Variants in DNAH11 observed in about 807,000 individuals in gnomAD.
DNAH11 encodes the protein axonemal beta dynein heavy chain 11.
In DNAH11, 442 loss-of-function variants were observed where a neutral mutation model predicts 526.0. That is an observed-to-expected ratio of 0.84 (90% confidence interval 0.78 to 0.91). DNAH11 has a LOEUF of 0.91. Ranked by LOEUF, DNAH11 falls within the 40% of genes least tolerant of loss-of-function variation. The pLI is 0.00. For missense variants in DNAH11, 6,989 were observed against 5,448.7 expected, an observed-to-expected ratio of 1.28 and a Z score of -8.90; for synonymous variants, 2,461 against 1,935.9, an observed-to-expected ratio of 1.27 and a Z score of -7.12.
rs752630551 is a variant in DNAH11 at position 21,899,420 on chromosome 7, C to T, written c.13134C>T (p.Gly4378=). ...TTCCGGCTGTCGTGTGGCTCTCCGGCTTCTTCAACCCTCAGTCCTTCTTAA... is the reference window on the plus strand; with the variant it reads ...TTCCGGCTGTCGTGTGGCTCTCCGGTTTCTTCAACCCTCAGTCCTTCTTAA... ...LTLPAVVWLS[G]FFNPQSFLTA... The change falls in exon 80 of 82, where the codon GGC becomes GGT. Residue 4378 remains glycine, a synonymous_variant. Coordinates refer to ENST00000409508, the MANE Select transcript of DNAH11 (RefSeq NM_001277115.2). 6.2e-6 allele frequency: 10 copies of T among 1,613,706 alleles called. No individual in the cohort carries two copies. The highest frequency in any genetic ancestry group is 8.5e-6 in the Non-Finnish European group (10 of 1,179,770).
chr7:21,850,086 G>A (rs1237138360), intron 66 of DNAH11, among the ~76,000 whole-genome samples: 1 of 151,692 alleles, frequency 6.6e-6, no homozygotes. Flanking sequence ...GCCGGGCACG[G>A]TGGCTCACGC....
chr7:21,690,478 T>C (rs1266720610), intron 34 of DNAH11, among the ~76,000 whole-genome samples: 1 of 152,216 alleles, frequency 6.6e-6, no homozygotes, highest in Non-Finnish European at 1.5e-5. Flanking sequence ...TTCCATTAAA[T>C]GTTAAAATAG....
At chr7:21,707,102 GCTCCTTCCCC>G (rs1381627090) in intron 39 of DNAH11, among the ~76,000 whole-genome samples, 1 of 152,184 alleles carries the variant, frequency 6.6e-6, no homozygotes, top group Non-Finnish European at 1.5e-5. Context: ...ATGTCCAGAA[GCTCCTTCCCC>G]CTTCTTCCCC....
rs79956811 is a variant in DNAH11 at position 21,617,365 on chromosome 7, C to A, written c.4096-254C>A. Among the ~76,000 whole-genome samples, 2,339 of 152,262 alleles carry A rather than the reference C, an allele frequency of 0.015. 66 individuals are homozygous for A. The highest frequency in any genetic ancestry group is 0.054 in the African/African-American group (2,235 of 41,536). ...TGAACTCTGTTACTTACCTGTGTTTCCTCATGGGACATTCAGTTAGATCTT... is the reference window on the plus strand; with the variant it reads ...TGAACTCTGTTACTTACCTGTGTTTACTCATGGGACATTCAGTTAGATCTT... On this transcript the variant is annotated intron_variant, in intron 22 of 81. Coordinates refer to ENST00000409508, the MANE Select transcript of DNAH11 (RefSeq NM_001277115.2).
At chr7:21,757,057 A>G (rs1330524310) in intron 54 of DNAH11, among the ~76,000 whole-genome samples, 1 of 152,222 alleles carries the variant, frequency 6.6e-6, no homozygotes, top group Non-Finnish European at 1.5e-5. Context: ...GGAGGGAAGG[A>G]GGAATGGATG....
At chr7:21,793,798 C>A in intron 61 of DNAH11, among the ~76,000 whole-genome samples, 1 of 152,188 alleles carries the variant, frequency 6.6e-6, no homozygotes, top group South Asian at 2.1e-4. Context: ...TACTGTATTT[C>A]AGTCTATCCA....
intron 54 of DNAH11, among the ~76,000 whole-genome samples, chr7:21,753,265 G>C (rs1258592347): frequency 6.6e-6 from 1 of 152,120 alleles, no homozygotes; most frequent in African/African-American, 2.4e-5. Flanking sequence ...TCTGTACCAG[G>C]AAACCTAAGC....
At chr7:21,773,623 A>T in intron 55 of DNAH11, 143 bp from the exon 56 acceptor site, 2 of 642,448 alleles carry the variant, frequency 3.1e-6, no homozygotes, top group African/African-American at 1.8e-5. Context: ...GATAGCGCTT[A>T]AAGATTAAAT....
At position 21,854,349 on chromosome 7, in the gene DNAH11, A is replaced by T. The variant is rs370458679; in HGVS notation, c.11096A>T (p.Asn3699Ile). 6.2e-7 allele frequency: 1 copy of T among 1,613,646 alleles called. No individual in the cohort carries two copies. The highest frequency in any genetic ancestry group is 8.5e-7 in the Non-Finnish European group (1 of 1,179,818). Residue 3699 changes from asparagine to isoleucine, a missense_variant, in exon 68 of 82, where the codon AAC (asparagine) becomes ATC (isoleucine). Coordinates refer to ENST00000409508, the MANE Select transcript of DNAH11 (RefSeq NM_001277115.2). Reference protein sequence around the residue: ...IEAKENERKINEARECYRPVA... With the variant: ...IEAKENERKIIEARECYRPVA... ...GCCAAAGAAAATGAAAGAAAAATCA[A>T]CGAGGCCCGAGAATGTTACAGACCA...
chr7:21,647,017 T>A (rs999431504), intron 28 of DNAH11, among the ~76,000 whole-genome samples: 3 of 152,142 alleles, frequency 2.0e-5, no homozygotes, highest in Non-Finnish European at 4.4e-5. Flanking sequence ...ACACAGATGA[T>A]AGACTTAGCC....
chr7:21,720,993 A>G lies in DNAH11; in HGVS notation c.7266+137A>G, dbSNP rs1583626428. The G allele has an allele frequency of 3.5e-6, 4 of 1,130,764 alleles. No individual in the cohort carries two copies. The East Asian group carries it at 1.3e-4, about 36-fold the overall frequency. 70.0% of individuals were successfully genotyped at this position (1,130,764 alleles called of 1,614,324 possible). On this transcript the variant is annotated intron_variant, in intron 44 of 81. Transcript: ENST00000409508. ...GCTTGCCCTGTTCTCTCCTAAGTCT[A>G]TGCATTCTCTGGGTAGTCCCATCCC...
At chr7:21,631,465 G>A (rs973353173) in intron 25 of DNAH11, among the ~76,000 whole-genome samples, 3 of 152,294 alleles carry the variant, frequency 2.0e-5, no homozygotes, top group East Asian at 3.9e-4. Flanking sequence ...TTCCACATAT[G>A]AGCCTGTAAA....
At chr7:21,675,294 T>C (rs2128470487) in intron 30 of DNAH11, among the ~76,000 whole-genome samples, 1 of 152,306 alleles carries the variant, frequency 6.6e-6, no homozygotes, top group South Asian at 2.1e-4. Flanking sequence ...ATGGGTGACC[T>C]CTTTCAGTTT....
At chr7:21,579,440 A>G (rs1293072182) in intron 8 of DNAH11, among the ~76,000 whole-genome samples, 1 of 152,216 alleles carries the variant, frequency 6.6e-6, no homozygotes. Context: ...GTGCTGGAGT[A>G]TGAAGAGTAC....
intron 2 of DNAH11, 38 bp from the exon 3 acceptor site, chr7:21,558,764 G>A: frequency 1.4e-6 from 2 of 1,474,116 alleles, no homozygotes; most frequent in Non-Finnish European, 1.8e-6. Flanking sequence ...GGAATGCATT[G>A]TCTGTAAATT....
intron 32 of DNAH11, among the ~76,000 whole-genome samples, chr7:21,686,178 C>T (rs1163389133): frequency 6.6e-6 from 1 of 152,154 alleles, no homozygotes. Context: ...TTTTTTAAGG[C>T]ATTTACCTTT....
intron 5 of DNAH11, 69 bp downstream of exon 5, chr7:21,561,239 G>A (rs1783449266): frequency 1.1e-5 from 13 of 1,169,566 alleles, no homozygotes; most frequent in South Asian, 4.0e-5. Flanking sequence ...CTGCCTGCTC[G>A]GCCTTGATAT....
chr7:21,891,424 T>G (rs957703658), intron 76 of DNAH11, among the ~76,000 whole-genome samples: 3 of 152,202 alleles, frequency 2.0e-5, no homozygotes, highest in Non-Finnish European at 4.4e-5. Flanking sequence ...GAGGGGTTAA[T>G]GGTCCCTGGA....
chr7:21,754,137 A>G (rs959317183), intron 54 of DNAH11, among the ~76,000 whole-genome samples: 10 of 152,134 alleles, frequency 6.6e-5, no homozygotes, highest in African/African-American at 2.4e-4. Context: ...GGTAAATATT[A>G]CAGAACATTA....
Sources: allele counts gnomAD v4.1 joint callset (sites outside exome capture counted in the v4.1 genomes callset), GRCh38; gene constraint gnomAD v4.1.1; transcripts MANE v1.5; gene names NCBI Gene and HGNC (gene_info 2026-07-23, HGNC 2026-07-21).